Variants in EYA4 observed in about 807,000 individuals in gnomAD.
EYA4 encodes the protein EYA transcriptional coactivator and phosphatase 4.
EYA4 carries 31 observed loss-of-function variants against 87.9 expected under a neutral mutation model. The ratio of observed to expected loss-of-function variants is 0.35; its 90% CI spans 0.27 to 0.48. EYA4 has a LOEUF of 0.48. EYA4 is among the 20% of genes least tolerant of loss of function. The pLI is 0.99. For missense variants in EYA4, 678 were observed against 761.4 expected, an observed-to-expected ratio of 0.89 and a Z score of 1.29; for synonymous variants, 263 against 270.6, an observed-to-expected ratio of 0.97 and a Z score of 0.28.
intron 1 of EYA4, among the ~76,000 whole-genome samples, chr6:133,271,952 C>T (rs1409074169): frequency 6.6e-6 from 1 of 152,188 alleles, no homozygotes; most frequent in East Asian, 1.9e-4. Context: ...TATCTTTTCC[C>T]CAGATTTCTT....
At chr6:133,279,938 C>A (rs1028711816) in intron 2 of EYA4, among the ~76,000 whole-genome samples, 3 of 152,062 alleles carry the variant, frequency 2.0e-5, no homozygotes, top group African/African-American at 7.2e-5. Flanking sequence ...TTGTTTAAAT[C>A]ATTTTTCTAT....
At chr6:133,302,071 A>G (rs1009219456) in intron 2 of EYA4, among the ~76,000 whole-genome samples, 1 of 152,150 alleles carries the variant, frequency 6.6e-6, no homozygotes, top group Non-Finnish European at 1.5e-5. Context: ...GCAAAGCAGC[A>G]GTTTTTGCAA....
chr6:133,493,793 A>G (rs1425130312), intron 13 of EYA4, among the ~76,000 whole-genome samples: 1 of 152,230 alleles, frequency 6.6e-6, no homozygotes, highest in Non-Finnish European at 1.5e-5. Context: ...TTGAATAGAT[A>G]TTTCTCAGAA....
chr6:133,351,831 C>G (rs1265267318), intron 2 of EYA4, among the ~76,000 whole-genome samples: 1 of 152,034 alleles, frequency 6.6e-6, no homozygotes, highest in Non-Finnish European at 1.5e-5. Context: ...AGAAAGGAAC[C>G]TAATGAACCC....
At position 133,513,019 on chromosome 6, in the gene EYA4, C is replaced by T. The variant is rs774161410; in HGVS notation, c.1482C>T (p.Thr494=). Residue 494 remains threonine (T), a synonymous_variant, in exon 16 of 20, where the codon ACC becomes ACT. Transcript: ENST00000355286. ...RYRRVKELYN[T]YKNNVGGLLG... is the part of the protein sequence containing the mutation. ...GAAGAGTAAAAGAATTATATAACAC[C>T]TACAAGAACAACGTTGGAGGTATGT... 6 of 1,613,982 alleles carry T rather than the reference C, an allele frequency of 3.7e-6. No homozygotes were observed. The highest frequency in any genetic ancestry group is 5.1e-6 in the Non-Finnish European group (6 of 1,179,946).
At chr6:133,275,331 T>G (rs1397215703) in intron 2 of EYA4, among the ~76,000 whole-genome samples, 1 of 152,192 alleles carries the variant, frequency 6.6e-6, no homozygotes, top group Non-Finnish European at 1.5e-5. Context: ...AAAGGCTCTT[T>G]GCAACCTTTC....
At chr6:133,372,038 A>G (rs1239931499) in intron 2 of EYA4, among the ~76,000 whole-genome samples, 1 of 152,106 alleles carries the variant, frequency 6.6e-6, no homozygotes, top group East Asian at 1.9e-4. Flanking sequence ...TAGACTGCAG[A>G]GTGTATTTAA....
At chr6:133,363,768 C>T (rs1784647618) in intron 2 of EYA4, among the ~76,000 whole-genome samples, 2 of 152,222 alleles carry the variant, frequency 1.3e-5, no homozygotes, top group South Asian at 2.1e-4. Flanking sequence ...ACCCACCGCG[C>T]CCGGCGAGAC....
intron 5 of EYA4, among the ~76,000 whole-genome samples, chr6:133,449,811 A>G (rs1793242933): frequency 6.6e-6 from 1 of 152,232 alleles, no homozygotes; most frequent in South Asian, 2.1e-4. Context: ...TTTAAGGAAA[A>G]TGAAAATATG....
At chr6:133,372,016 C>A (rs542876166) in intron 2 of EYA4, among the ~76,000 whole-genome samples, 1 of 152,078 alleles carries the variant, frequency 6.6e-6, no homozygotes, top group Non-Finnish European at 1.5e-5. Context: ...CTGTATGAAT[C>A]CCTTTAACAT....
Position 133,270,668 on chromosome 6 carries a change from A to G in EYA4, c.-65-4048A>G, listed in dbSNP as rs533583873. On this transcript the variant is annotated intron_variant, in intron 1 of 19. Coordinates refer to ENST00000355286, the MANE Select transcript of EYA4 (RefSeq NM_004100.5). The stretch of plus-strand genomic sequence containing the variant: ...TCCTTGTGGAGTGACCCAAACCTTC[A>G]TTCCTGGGGGATCTGGGCCATTTCT... Among the ~76,000 whole-genome samples, 3 of 152,090 alleles carry G rather than the reference A, an allele frequency of 2.0e-5. No individual in the cohort carries two copies. In the South Asian group the frequency reaches 6.3e-4, roughly 32 times the overall value.
At chr6:133,287,232 C>A (rs1011393199) in intron 2 of EYA4, among the ~76,000 whole-genome samples, 1 of 152,030 alleles carries the variant, frequency 6.6e-6, no homozygotes, top group Non-Finnish European at 1.5e-5. Context: ...AGCAAGAAAG[C>A]AAAATAATAT....
chr6:133,422,028 A>G (rs1790265392), intron 3 of EYA4, among the ~76,000 whole-genome samples: 2 of 152,194 alleles, frequency 1.3e-5, no homozygotes, highest in African/African-American at 4.8e-5. Flanking sequence ...TTTTGCTTTG[A>G]AAGGGAATAC....
chr6:133,482,682 A>G (rs375292743), intron 12 of EYA4, among the ~76,000 whole-genome samples: 9 of 152,336 alleles, frequency 5.9e-5, no homozygotes, highest in East Asian at 3.9e-4. Context: ...GAAATTGTAA[A>G]AGTTTATGAA....
intron 3 of EYA4, among the ~76,000 whole-genome samples, chr6:133,424,071 C>T (rs1358825237): frequency 6.6e-6 from 1 of 152,222 alleles, no homozygotes; most frequent in Non-Finnish European, 1.5e-5. Flanking sequence ...TAGCCTGTCT[C>T]TGCAGCTGGT....
At chr6:133,446,567 G>T in intron 3 of EYA4, 63 bp from the exon 4 acceptor site, 1 of 1,575,984 alleles carries the variant, frequency 6.3e-7, no homozygotes, top group Middle Eastern at 1.7e-4. Flanking sequence ...AATAATATTT[G>T]TAATCTATTA....
intron 13 of EYA4, among the ~76,000 whole-genome samples, chr6:133,495,291 T>C (rs1797545591): frequency 6.6e-6 from 1 of 151,094 alleles, no homozygotes; most frequent in African/African-American, 2.4e-5. Flanking sequence ...AAAAATCTCA[T>C]GTATCCCATG....
intron 2 of EYA4, among the ~76,000 whole-genome samples, chr6:133,346,337 G>A (rs757717191): frequency 7.2e-5 from 11 of 151,904 alleles, no homozygotes; most frequent in Admixed American, 2.6e-4. Context: ...CTTTCTTGAC[G>A]TGGACTTAGA....
chr6:133,356,787 GTGTGTATA>G lies in EYA4; in HGVS notation c.34-25603_34-25596del, dbSNP rs1409063908. ...TGTGTGTGTGTGTGTGTGTGTGTGT[GTGTGTATA>G]TATATATTTTATTTTTATTTTTTTT... On this transcript the variant is annotated intron_variant, in intron 2 of 19. Transcript: ENST00000355286. 5.2e-3 allele frequency among the ~76,000 whole-genome samples: 474 copies of G among 91,718 alleles called. 1 individual carries two copies. The highest frequency in any genetic ancestry group is 0.021 in the African/African-American group (448 of 20,930). 60.2% of individuals were successfully genotyped at this position (91,718 alleles called of 152,430 possible). A position where few individuals can be genotyped will look rare whatever the true frequency, so the allele number is the denominator to read the frequency against.
Sources: allele counts gnomAD v4.1 joint callset (sites outside exome capture counted in the v4.1 genomes callset), GRCh38; gene constraint gnomAD v4.1.1; transcripts MANE v1.5; gene names NCBI Gene and HGNC (gene_info 2026-07-23, HGNC 2026-07-21).